The following VIT variants were observed in gnomAD, a reference collection of about 807,000 sequenced individuals.
VIT encodes vitrin.
Under a neutral mutation model 78.0 loss-of-function variants are expected in VIT, and 99 were observed. The ratio of observed to expected loss-of-function variants is 1.27; its 90% CI spans 1.08 to 1.50. The LOEUF is 1.50. VIT is among the 40% of genes most tolerant of loss of function. The pLI is 0.00. For synonymous variants in VIT, 374 were observed against 334.3 expected (o/e 1.12, Z -1.29); for missense variants, 1,126 against 875.3 (o/e 1.29, Z -3.61).
At chr2:36,773,719 G>T in intron 7 of VIT, 72 bp from the exon 8 acceptor site, 1 of 1,337,116 alleles carries the variant, frequency 7.5e-7, no homozygotes, top group South Asian at 1.8e-5. Flanking sequence ...GTGAGACTCC[G>T]ACTCAAAAAT....
intron 12 of VIT, among the ~76,000 whole-genome samples, chr2:36,796,491 G>A (rs1180739233): frequency 6.6e-6 from 1 of 152,118 alleles, no homozygotes; most frequent in Non-Finnish European, 1.5e-5. Flanking sequence ...ATGTGGTAGG[G>A]GAAAGAGACA....
chr2:36,741,887 G>A (rs1558530984), intron 3 of VIT, among the ~76,000 whole-genome samples: 1 of 152,188 alleles, frequency 6.6e-6, no homozygotes. Context: ...TCTATAGAAA[G>A]TCTGTTCTTT....
intron 5 of VIT, 38 bp downstream of exon 5, chr2:36,755,092 C>T: frequency 6.3e-7 from 1 of 1,590,800 alleles, no homozygotes; most frequent in Non-Finnish European, 8.6e-7. Context: ...CTAAACCTAC[C>T]ACAAGATGAA....
chr2:36,758,323 C>T (rs190270320), intron 5 of VIT, among the ~76,000 whole-genome samples: 44 of 152,338 alleles, frequency 2.9e-4, no homozygotes, highest in Admixed American at 7.2e-4. Context: ...TCTCACTTTA[C>T]TTGTGGAACA....
chr2:36,711,874 C>T (rs1665823200), intron 1 of VIT, among the ~76,000 whole-genome samples: 1 of 152,110 alleles, frequency 6.6e-6, no homozygotes, highest in Admixed American at 6.5e-5. Context: ...TTTTTCACAA[C>T]CAGGCTTCAT....
At chr2:36,705,960 T>A (rs1413172047) in intron 1 of VIT, among the ~76,000 whole-genome samples, 1 of 152,202 alleles carries the variant, frequency 6.6e-6, no homozygotes, top group Non-Finnish European at 1.5e-5. Context: ...CTTGTCAAAG[T>A]TGCGACAACC....
At chr2:36,748,128 T>C (rs1558536310) in intron 4 of VIT, among the ~76,000 whole-genome samples, 1 of 152,194 alleles carries the variant, frequency 6.6e-6, no homozygotes. Flanking sequence ...GTAGGTGGTC[T>C]GACCCTTTGA....
chr2:36,756,752 G>A (rs1181113346), intron 5 of VIT, among the ~76,000 whole-genome samples: 1 of 152,168 alleles, frequency 6.6e-6, no homozygotes, highest in South Asian at 2.1e-4. Context: ...AAATGCTAAT[G>A]TCTCGAATAC....
rs149296867 is a variant in VIT at position 36,793,436 on chromosome 2, G to A, written c.1058+6160G>A. Among the ~76,000 whole-genome samples the A allele has an allele frequency of 1.4e-4, 21 of 152,250 alleles. No individual in the cohort carries two copies. In the East Asian group the frequency reaches 3.9e-3, roughly 28 times the overall value. ...TTGTGCAAAGTCCCTGAGCAGATTG[G>A]CCCAGGACGCTGCACCCTGGGCTGG... On this transcript the variant is annotated intron_variant, in intron 12 of 15. Coordinates refer to ENST00000379242, the MANE Select transcript of VIT (RefSeq NM_053276.4).
intron 12 of VIT, among the ~76,000 whole-genome samples, chr2:36,794,344 G>C (rs1665713363): frequency 6.6e-6 from 1 of 151,940 alleles, no homozygotes; most frequent in African/African-American, 2.4e-5. Flanking sequence ...AAAAAATTTA[G>C]TGTTTGCATT....
chr2:36,762,906 C>T (rs1009258035), intron 6 of VIT, among the ~76,000 whole-genome samples: 1 of 152,114 alleles, frequency 6.6e-6, no homozygotes, highest in East Asian at 1.9e-4. Flanking sequence ...CCCCCACCAC[C>T]GCGCCCCAAC....
chr2:36,752,204 CCTAAA>C (rs1394559017), intron 4 of VIT, among the ~76,000 whole-genome samples: 1 of 152,148 alleles, frequency 6.6e-6, no homozygotes, highest in Non-Finnish European at 1.5e-5. Flanking sequence ...TCAGGCTTAT[CCTAAA>C]CTAACTCCTA....
chr2:36,707,014 C>T (rs920365688), intron 1 of VIT, among the ~76,000 whole-genome samples: 6 of 151,976 alleles, frequency 3.9e-5, no homozygotes, highest in African/African-American at 1.5e-4. Context: ...CCTCAAGGGG[C>T]TCTTCGGTGG....
At chr2:36,794,005 C>T (rs1266568243) in intron 12 of VIT, among the ~76,000 whole-genome samples, 1 of 152,168 alleles carries the variant, frequency 6.6e-6, no homozygotes, top group Non-Finnish European at 1.5e-5. Context: ...TTAGTAAGTG[C>T]CTTAGGTGAG....
At chr2:36,800,600 T>A (rs546257506) in intron 12 of VIT, among the ~76,000 whole-genome samples, 2 of 152,180 alleles carry the variant, frequency 1.3e-5, no homozygotes, top group Non-Finnish European at 2.9e-5. Flanking sequence ...TCACACCTCA[T>A]CTTGGGTGCG....
In VIT at chr2:36,787,210, T is replaced by G; in HGVS notation, c.992T>G (p.Leu331Arg). ...CGATTCCGAATCCAGAAGCAGCTCC[T>G]GGCTGATGTTGCCCAAGCTCTTGAC... ...KRRFRIQKQL[L>R]ADVAQALDIG... is the part of the protein sequence containing the mutation. Residue 331 changes from leucine to arginine, a missense_variant, in exon 12 of 16, where the codon CTG becomes CGG. Transcript: ENST00000379242. 1 of 1,614,134 alleles carries G rather than the reference T, an allele frequency of 6.2e-7. No individual in the cohort carries two copies. Among genetic ancestry groups the G allele is most frequent in the Non-Finnish European group, 8.5e-7 (1 of 1,180,014 alleles).
rs1666633662 is a variant in VIT at position 36,805,337 on chromosome 2, G to A, written c.1163-101G>A. On this transcript the variant is annotated intron_variant, in intron 13 of 15. Coordinates refer to ENST00000379242, the MANE Select transcript of VIT (RefSeq NM_053276.4). ...AAAAAAAAAAAAAAAACTAGGGAGG[G>A]AATGAGTGTATTTTTCTGGACCTCT... is the stretch of plus-strand genomic sequence containing the variant. 5.7e-6 allele frequency: 7 copies of A among 1,233,274 alleles called. No homozygotes were observed. In the South Asian group the frequency reaches 1.3e-4, roughly 23 times the overall value. The allele number at this position is 1,233,274 out of a possible 1,614,324, so 76.4% of individuals were successfully genotyped here. A position where few individuals can be genotyped will look rare whatever the true frequency, so the allele number is the denominator to read the frequency against.
intron 6 of VIT, chr2:36,759,378 C>T: frequency 7.2e-7 from 1 of 1,383,928 alleles, no homozygotes; most frequent in Non-Finnish European, 9.3e-7. Context: ...TTCCTGGCAG[C>T]TAAAAGGAAA....
At chr2:36,754,775 G>T (rs2072524) in intron 4 of VIT, 146 bp from the exon 5 acceptor site, 3 of 764,994 alleles carry the variant, frequency 3.9e-6, no homozygotes, top group African/African-American at 1.8e-5. Flanking sequence ...CCATTCTTGT[G>T]GGTTGGGCTT....
Sources: gnomAD v4.1 joint callset for allele counts (sites outside exome capture counted in the v4.1 genomes callset) on GRCh38, gnomAD v4.1.1 for gene constraint, MANE v1.5 for transcripts, NCBI Gene and HGNC (gene_info 2026-07-23, HGNC 2026-07-21) for gene names.